Variants in USP34 observed in about 807,000 individuals in gnomAD.
USP34 encodes the protein ubiquitin specific peptidase 34.
In USP34, 70 loss-of-function variants were observed where a neutral mutation model predicts 460.3. The ratio of observed to expected loss-of-function variants is 0.15; its 90% CI spans 0.13 to 0.19. The LOEUF is 0.19. USP34 is among the 10% of genes least tolerant of loss of function. The probability of loss-of-function intolerance (pLI) is 1.00; values close to 1 mark genes in which losing one functional copy is unlikely to be tolerated. For missense variants in USP34, 3,985 were observed against 4,236.2 expected (o/e 0.94, Z 1.65); for synonymous variants, 1,647 against 1,405.3 (o/e 1.17, Z -3.85).
At chr2:61,437,466 A>T (rs1032292592) in intron 1 of USP34, among the ~76,000 whole-genome samples, 8 of 152,146 alleles carry the variant, frequency 5.3e-5, no homozygotes, top group Non-Finnish European at 8.8e-5. Context: ...ATCTACTAAG[A>T]TTGAACCAAT....
At chr2:61,223,333 C>T (rs950353978) in intron 62 of USP34, 37 bp from the exon 63 acceptor site, 1 of 1,593,460 alleles carries the variant, frequency 6.3e-7, no homozygotes, top group African/African-American at 1.3e-5. Flanking sequence ...GTTTTTCTTC[C>T]TTCTGTATTA....
intron 1 of USP34, among the ~76,000 whole-genome samples, chr2:61,437,559 G>T (rs1694846714): frequency 1.3e-5 from 2 of 151,926 alleles, no homozygotes; most frequent in South Asian, 4.1e-4. Flanking sequence ...AGATCACGAG[G>T]TCAGGAGTTC....
At chr2:61,392,559 T>C (rs867856562) in intron 5 of USP34, among the ~76,000 whole-genome samples, 1 of 151,986 alleles carries the variant, frequency 6.6e-6, no homozygotes, top group Middle Eastern at 3.2e-3. Flanking sequence ...AGGAGGTGGA[T>C]GCTGCAGTGA....
At position 61,188,719 on chromosome 2, in the gene USP34, C is replaced by T. The variant is rs1572818009; in HGVS notation, c.10034-10G>A. On this transcript the variant is annotated splice_polypyrimidine_tract_variant and intron_variant, in intron 79 of 79. Transcript: ENST00000398571. ...GTTGCTCCTTCATCATCTGTGAAAA[C>T]ACATGCCAAAAGGGAAACTTCTCTG... The T allele has an allele frequency of 6.2e-7, 1 of 1,607,634 alleles. No homozygotes were observed. The highest frequency in any genetic ancestry group is 8.5e-7 in the Non-Finnish European group (1 of 1,177,124).
chr2:61,448,662 A>T (rs372349589), intron 1 of USP34, among the ~76,000 whole-genome samples: 1 of 152,220 alleles, frequency 6.6e-6, no homozygotes, highest in Non-Finnish European at 1.5e-5. Flanking sequence ...ACATACATAA[A>T]AAAGTCCTAA....
At chr2:61,403,769 CA>C (rs1693787488) in intron 3 of USP34, among the ~76,000 whole-genome samples, 2 of 151,878 alleles carry the variant, frequency 1.3e-5, no homozygotes, top group African/African-American at 4.8e-5. Context: ...GGGCGGATCA[CA>C]AGGCCAGGAG....
chr2:61,246,035 T>C (rs193246942), intron 50 of USP34, among the ~76,000 whole-genome samples: 43 of 152,282 alleles, frequency 2.8e-4, no homozygotes, highest in African/African-American at 9.6e-4. Flanking sequence ...AATGAACAGC[T>C]CTTGAATGAA....
At chr2:61,243,074 G>A (rs1688317781) in intron 51 of USP34, among the ~76,000 whole-genome samples, 1 of 151,928 alleles carries the variant, frequency 6.6e-6, no homozygotes, top group South Asian at 2.1e-4. Flanking sequence ...TCGAACTCCT[G>A]ACCTCAAGCA....
intron 70 of USP34, 149 bp from the exon 71 acceptor site, chr2:61,207,035 T>C (rs535161795): frequency 1.3e-6 from 1 of 776,888 alleles, no homozygotes; most frequent in East Asian, 2.8e-5. Flanking sequence ...CTTTCTATCC[T>C]GAAGTTAAAC....
At chr2:61,337,169 T>A (rs1558536414) in intron 18 of USP34, among the ~76,000 whole-genome samples, 1 of 152,176 alleles carries the variant, frequency 6.6e-6, no homozygotes, top group Non-Finnish European at 1.5e-5. Context: ...CTGTGTCCCA[T>A]TCCAACCACT....
intron 5 of USP34, among the ~76,000 whole-genome samples, chr2:61,393,461 C>T (rs912354130): frequency 1.3e-5 from 2 of 148,884 alleles, no homozygotes; most frequent in Admixed American, 1.3e-4. Context: ...ACATTATTAA[C>T]CTACATGCTA....
intron 67 of USP34, 145 bp downstream of exon 67, chr2:61,220,165 A>AT: frequency 5.5e-6 from 2 of 366,158 alleles, no homozygotes; most frequent in Non-Finnish European, 8.6e-6. Context: ...AAAAAAAAAA[A>AT]AAAAAAAAAA....
In USP34 at chr2:61,348,397, A is replaced by G; in HGVS notation, c.1758T>C (p.Ser586=). 6.2e-7 allele frequency: 1 copy of G among 1,613,932 alleles called. No individual in the cohort carries two copies. The highest frequency in any genetic ancestry group is 1.1e-5 in the South Asian group (1 of 91,084). ...AATTAACCTCATTGCTAGATCCATC[A>G]CTATGCCCACTACTGCTACCAGGAC... ...SSGPGSSSGH[S]DGSSNEVNSS... is the part of the protein sequence containing the mutation. The change falls in exon 15 of 80, where the codon AGT becomes AGC. Residue 586 remains serine, a synonymous_variant. Transcript: ENST00000398571.
intron 16 of USP34, among the ~76,000 whole-genome samples, chr2:61,342,987 C>T (rs1329360220): frequency 6.6e-6 from 1 of 152,172 alleles, no homozygotes; most frequent in Non-Finnish European, 1.5e-5. Flanking sequence ...GTCAAAGTAA[C>T]TTAACCTAGA....
At chr2:61,188,752 T>G (rs747457588) in intron 79 of USP34, 43 bp from the exon 80 acceptor site, 2 of 1,596,354 alleles carry the variant, frequency 1.3e-6, no homozygotes, top group South Asian at 2.3e-5. Context: ...CTGAAAGTCA[T>G]TAAGATCACG....
chr2:61,222,732 T>C (rs1687621598), intron 64 of USP34, 69 bp from the exon 65 acceptor site: 1 of 1,451,902 alleles, frequency 6.9e-7, no homozygotes, highest in Non-Finnish European at 9.5e-7. Context: ...GGTTTCGCTA[T>C]GTCACCCAGG....
chr2:61,414,443 C>T (rs1177032546), intron 2 of USP34, among the ~76,000 whole-genome samples: 2 of 152,096 alleles, frequency 1.3e-5, no homozygotes, highest in Non-Finnish European at 2.9e-5. Context: ...GTAGGATAGA[C>T]ATTTCAGGCC....
At chr2:61,439,136 G>A (rs1299291916) in intron 1 of USP34, among the ~76,000 whole-genome samples, 1 of 152,208 alleles carries the variant, frequency 6.6e-6, no homozygotes, top group Admixed American at 6.5e-5. Context: ...AAACAGCTGG[G>A]CATGGTGGCT....
chr2:61,412,324 T>C (rs551735314), intron 2 of USP34, among the ~76,000 whole-genome samples: 2 of 151,372 alleles, frequency 1.3e-5, no homozygotes, highest in Admixed American at 6.6e-5. Context: ...TCCTGAGAGA[T>C]ATAAAATATT....
Sources: gnomAD v4.1 joint callset for allele counts (sites outside exome capture counted in the v4.1 genomes callset) on GRCh38, gnomAD v4.1.1 for gene constraint, MANE v1.5 for transcripts, NCBI Gene and HGNC (gene_info 2026-07-23, HGNC 2026-07-21) for gene names.